Variants in BBS7 observed in about 807,000 individuals in gnomAD.
BBS7 encodes Bardet-Biedl syndrome 7.
In BBS7, 50 loss-of-function variants were observed where a neutral mutation model predicts 90.3. The ratio of observed to expected loss-of-function variants is 0.55; its 90% CI spans 0.44 to 0.70. BBS7 has a LOEUF of 0.70. Among genes scored for constraint, BBS7 ranks in the 30% least tolerant of loss-of-function variants. The pLI is 0.00. For synonymous variants in BBS7, 235 were observed against 287.4 expected (o/e 0.82, Z 1.85); for missense variants, 729 against 838.9 (o/e 0.87, Z 1.62).
At chr4:121,848,763 G>C (rs111355584) in intron 9 of BBS7, 81 bp downstream of exon 9, 47 of 1,142,512 alleles carry the variant, frequency 4.1e-5, no homozygotes, top group Non-Finnish European at 5.9e-5. Context: ...TTTTTAAAAA[G>C]AGTCATCAAA....
chr4:121,835,405 A>G, intron 13 of BBS7, 122 bp from the exon 14 acceptor site: 1 of 1,176,038 alleles, frequency 8.5e-7, no homozygotes, highest in Non-Finnish European at 1.2e-6. Context: ...CTAATTTAAG[A>G]GGAGTTGGAA....
chr4:121,828,433 G>T lies in BBS7; in HGVS notation c.1859C>A (p.Ala620Asp). 1 of 1,613,870 alleles carries T rather than the reference G, an allele frequency of 6.2e-7. No homozygotes were observed. The highest frequency in any genetic ancestry group is 8.5e-7 in the Non-Finnish European group (1 of 1,179,870). Residue 620 changes from alanine (A) to aspartate (D), a missense_variant, in exon 17 of 19, where the codon GCT becomes GAT. By Grantham distance (126) the Ala-to-Asp change is moderately radical. Transcript: ENST00000264499. ...AGCATCAATTAACTGCACTTTCTTA[G>T]CCAAAAGCAACTGGTACTCCAGCTT... ...HPKLEYQLLL[A>D]KKVQLIDALK...
At chr4:121,834,868 G>A (rs1725371135) in intron 14 of BBS7, among the ~76,000 whole-genome samples, 1 of 152,064 alleles carries the variant, frequency 6.6e-6, no homozygotes, top group Non-Finnish European at 1.5e-5. Context: ...AACAGTATTT[G>A]CTCTCACATT....
intron 1 of BBS7, among the ~76,000 whole-genome samples, chr4:121,869,953 G>T (rs1286881799): frequency 1.3e-5 from 2 of 152,204 alleles, no homozygotes; most frequent in Non-Finnish European, 2.9e-5. Flanking sequence ...AGGATTAGAG[G>T]CCCTCAGGCA....
At chr4:121,864,735 A>G (rs1727164898) in intron 2 of BBS7, among the ~76,000 whole-genome samples, 1 of 152,096 alleles carries the variant, frequency 6.6e-6, no homozygotes, top group Non-Finnish European at 1.5e-5. Context: ...GACAATCAGA[A>G]ATCTGTTGGT....
chr4:121,840,714 T>C (rs558529208), intron 12 of BBS7, among the ~76,000 whole-genome samples: 1 of 152,300 alleles, frequency 6.6e-6, no homozygotes, highest in South Asian at 2.1e-4. Context: ...CTGCTATTTC[T>C]CTATTTTTAT....
At chr4:121,833,453 T>A in intron 14 of BBS7, 58 bp from the exon 15 acceptor site, 5 of 1,494,156 alleles carry the variant, frequency 3.3e-6, no homozygotes, top group Middle Eastern at 1.7e-4. Context: ...AAGTATTATA[T>A]GTACACGTTA....
chr4:121,832,454 A>G (rs953860276), intron 15 of BBS7, among the ~76,000 whole-genome samples: 5 of 152,252 alleles, frequency 3.3e-5, no homozygotes, highest in African/African-American at 1.2e-4. Flanking sequence ...AGAGGTAGAG[A>G]TATTGGCCTT....
chr4:121,830,424 T>C (rs1001885421), intron 15 of BBS7, among the ~76,000 whole-genome samples: 4 of 150,708 alleles, frequency 2.7e-5, no homozygotes, highest in East Asian at 1.9e-4. Context: ...AAAAAGATAA[T>C]TTTTTTTTCT....
chr4:121,864,369 A>G (rs1727149220), intron 2 of BBS7, among the ~76,000 whole-genome samples: 2 of 152,230 alleles, frequency 1.3e-5, no homozygotes, highest in African/African-American at 4.8e-5. Context: ...AGCCAAAACA[A>G]CATAGCACAG....
At chr4:121,859,751 C>T (rs979656952) in intron 4 of BBS7, among the ~76,000 whole-genome samples, 2 of 151,658 alleles carry the variant, frequency 1.3e-5, no homozygotes, top group African/African-American at 4.8e-5. Flanking sequence ...CTACCTCAAA[C>T]TAAATGATAA....
At chr4:121,828,016 TTCATGACTGGTTCATGAA>T in intron 18 of BBS7, 112 bp downstream of exon 18, 4 of 1,512,364 alleles carry the variant, frequency 2.6e-6, no homozygotes, top group Non-Finnish European at 3.5e-6. Context: ...TGTCAACTGA[TTCATGACTGGTTCATGAA>T]TCATGACTGA....
At chr4:121,855,696 G>A (rs1447728953) in intron 5 of BBS7, 135 bp from the exon 6 acceptor site, 14 of 808,068 alleles carry the variant, frequency 1.7e-5, no homozygotes, top group South Asian at 4.4e-5. Flanking sequence ...ATTAGGTTAC[G>A]AATACAACTT....
Position 121,825,426 on chromosome 4 carries a change from T to G in BBS7, c.*434A>C, listed in dbSNP as rs1724860606. On this transcript the variant is annotated 3_prime_UTR_variant, in exon 19 of 19. Transcript: ENST00000264499. ...AAAATTTCACTGAGAATCAGTTTTC[T>G]TATATGATTTGACAAATTTTACAAC... 1 of 154,028 alleles carries G rather than the reference T, an allele frequency of 6.5e-6. No homozygotes were observed. The highest frequency in any genetic ancestry group is 2.0e-4 in the South Asian group (1 of 4,970). The allele number at this position is 154,028 out of a possible 1,614,324, so 9.5% of individuals were successfully genotyped here.
At chr4:121,854,875 T>TA in intron 6 of BBS7, 55 bp from the exon 7 acceptor site, 1 of 1,469,736 alleles carries the variant, frequency 6.8e-7, no homozygotes, top group Non-Finnish European at 9.4e-7. Flanking sequence ...GTAATCTCTT[T>TA]AAAATTAAAA....
intron 11 of BBS7, 111 bp downstream of exon 11, chr4:121,845,388 AAAAAT>A (rs1725954648): frequency 5.0e-6 from 3 of 598,340 alleles, no homozygotes; most frequent in South Asian, 3.5e-5. Context: ...AAATAAAAAT[AAAAAT>A]AAAATAAAAT....
rs754277167 is a variant in BBS7, at chr4:121,828,505, T to C, written c.1787A>G (p.Glu596Gly). Residue 596 changes from glutamate to glycine, a missense_variant and splice_region_variant, in exon 17 of 19, where the codon GAG (glutamate) becomes GGG (glycine). Physicochemically the swap from Glu to Gly is moderately conservative, Grantham distance 98. Transcript: ENST00000264499. ...GTGTTTGACTGATACTTCATTTATC[T>C]CTAGAAGGAGTTGACCAGATGCAGT... ...KRKINLNISY[E>G]INEVSVKHTL... is the part of the protein sequence containing the mutation. 1 of 1,611,868 alleles carries C rather than the reference T, an allele frequency of 6.2e-7. No homozygotes were observed. The highest frequency in any genetic ancestry group is 8.5e-7 in the Non-Finnish European group (1 of 1,178,030).
In BBS7 at chr4:121,833,402, T is replaced by A. The variant is rs115987385; in HGVS notation, c.1512-7A>T. 1,738 of 1,613,648 alleles carry A rather than the reference T, an allele frequency of 1.1e-3. 22 individuals are homozygous for A. The African/African-American group carries it at 0.021, about 19-fold the overall frequency. ...GGTCAGTGTATTCATGGGTCTGTAATATAATAGTAGAGGCGCACATTTATG... is the reference window on the plus strand; with the variant it reads ...GGTCAGTGTATTCATGGGTCTGTAAAATAATAGTAGAGGCGCACATTTATG... On this transcript the variant is annotated splice_polypyrimidine_tract_variant and splice_region_variant and intron_variant, in intron 14 of 18. Coordinates refer to ENST00000264499, the MANE Select transcript of BBS7 (RefSeq NM_176824.3).
intron 13 of BBS7, among the ~76,000 whole-genome samples, chr4:121,836,132 A>AT (rs1725438765): frequency 6.6e-6 from 1 of 152,236 alleles, no homozygotes; most frequent in Non-Finnish European, 1.5e-5. Flanking sequence ...GCTATTTTGA[A>AT]TATGACTGGC....
Sources: gnomAD v4.1 joint callset for allele counts (sites outside exome capture counted in the v4.1 genomes callset) on GRCh38, gnomAD v4.1.1 for gene constraint, MANE v1.5 for transcripts, NCBI Gene and HGNC (gene_info 2026-07-23, HGNC 2026-07-21) for gene names.